BANP: variants seen among roughly 807,000 people sequenced by gnomAD.
The protein encoded by BANP is BTG3 associated nuclear protein.
In BANP, 11 loss-of-function variants were observed where a neutral mutation model predicts 68.1. That is an observed-to-expected ratio of 0.16 (90% CI 0.10 to 0.27). The LOEUF (loss-of-function observed/expected upper bound fraction) is 0.27, where lower values mean the gene tolerates loss of function less well. BANP is among the 10% of genes least tolerant of loss of function. BANP has a pLI of 1.00. For missense variants in BANP, 504 were observed against 722.7 expected (o/e 0.70, Z 3.47); for synonymous variants, 329 against 303.2 (o/e 1.09, Z -0.88).
At chr16:88,072,940 T>C (rs2090725544) in intron 13 of BANP, among the ~76,000 whole-genome samples, 1 of 152,266 alleles carries the variant, frequency 6.6e-6, no homozygotes, top group Non-Finnish European at 1.5e-5. Flanking sequence ...CCAGCCCTTC[T>C]GGAACATTCT....
At chr16:88,060,630 G>A (rs1260476263) in intron 11 of BANP, among the ~76,000 whole-genome samples, 4 of 152,238 alleles carry the variant, frequency 2.6e-5, no homozygotes, top group African/African-American at 4.8e-5. Context: ...GTGGAGGCAC[G>A]TGGAGGTGGC....
intron 8 of BANP, among the ~76,000 whole-genome samples, chr16:88,031,326 T>G (rs1301814418): frequency 1.3e-5 from 2 of 152,212 alleles, no homozygotes; most frequent in African/African-American, 2.4e-5. Flanking sequence ...CTAGGCAATT[T>G]CTAGCATATT....
At chr16:88,054,301 ACCAACACAACCACCT>A (rs2084357989) in intron 11 of BANP, among the ~76,000 whole-genome samples, 1 of 114,586 alleles carries the variant, frequency 8.7e-6, no homozygotes, top group Non-Finnish European at 2.1e-5. Context: ...CATCATCATC[ACCAACACAACCACCT>A]TCACCACTGT....
intron 1 of BANP, chr16:87,963,478 C>T (rs1175431567): frequency 3.3e-5 from 5 of 152,210 alleles, no homozygotes; most frequent in Admixed American, 3.3e-4. Context: ...GATCTGATCA[C>T]GGGTAGGTGC....
At chr16:87,992,790 CAA>C (rs67037373) in intron 4 of BANP, among the ~76,000 whole-genome samples, 1 of 136,596 alleles carries the variant, frequency 7.3e-6, no homozygotes. Flanking sequence ...TGAGACTCCT[CAA>C]AAAAAAAAAA....
In BANP at chr16:88,005,993, A is replaced by C. The variant is rs557909608; in HGVS notation, c.480-97A>C. 27 of 1,470,194 alleles carry C rather than the reference A, an allele frequency of 1.8e-5. No homozygotes were observed. In the African/African-American group the frequency reaches 3.7e-4, roughly 20 times the overall value. 91.1% of individuals were successfully genotyped at this position (1,470,194 alleles called of 1,614,324 possible). ...GGAAGGCTGTGTGATCCACTGGTCC[A>C]CACAGAGTTAGATTTTGCGATAAGG... is the stretch of plus-strand genomic sequence containing the variant. On this transcript the variant is annotated intron_variant, in intron 5 of 13. Transcript: ENST00000682872.
intron 1 of BANP, among the ~76,000 whole-genome samples, chr16:87,954,522 G>A (rs1309839153): frequency 6.6e-6 from 1 of 152,208 alleles, no homozygotes; most frequent in Admixed American, 6.5e-5. Context: ...GTTTCCCCTC[G>A]GGTGATTGGG....
chr16:88,050,714 A>G (rs1457113637), intron 11 of BANP, among the ~76,000 whole-genome samples: 1 of 152,092 alleles, frequency 6.6e-6, no homozygotes, highest in Admixed American at 6.5e-5. Context: ...TTTTAGAGAC[A>G]GTCTCACTCT....
intron 8 of BANP, among the ~76,000 whole-genome samples, chr16:88,031,258 G>C (rs551870224): frequency 2.6e-5 from 4 of 152,376 alleles, no homozygotes; most frequent in African/African-American, 9.6e-5. Context: ...GCAGCATGCA[G>C]GTGGGCTTGT....
intron 8 of BANP, among the ~76,000 whole-genome samples, chr16:88,029,114 C>G (rs2077568672): frequency 6.6e-6 from 1 of 151,726 alleles, no homozygotes; most frequent in Non-Finnish European, 1.5e-5. Flanking sequence ...TGAGACCAGC[C>G]TGGACAACAT....
chr16:87,963,100 G>T (rs1441676304), intron 1 of BANP, among the ~76,000 whole-genome samples: 1 of 152,082 alleles, frequency 6.6e-6, no homozygotes, highest in East Asian at 1.9e-4. Flanking sequence ...AATTTTTATG[G>T]CTCTTTGGAC....
chr16:88,025,054 C>A (rs2076726832), intron 7 of BANP, among the ~76,000 whole-genome samples: 1 of 152,162 alleles, frequency 6.6e-6, no homozygotes, highest in African/African-American at 2.4e-5. Flanking sequence ...GTGGGAGGGT[C>A]ACAGGAGGGC....
chr16:87,967,646 G>A (rs570093289), intron 1 of BANP, among the ~76,000 whole-genome samples: 10 of 137,960 alleles, frequency 7.2e-5, no homozygotes, highest in African/African-American at 2.3e-4. Flanking sequence ...TTTTGAGATG[G>A]AGTCTCACTC....
chr16:87,963,302 C>T (rs1484589646), intron 1 of BANP: 6 of 152,324 alleles, frequency 3.9e-5, no homozygotes, highest in African/African-American at 1.4e-4. Context: ...TCCCCACCCT[C>T]AGTTCCCAAG....
chr16:88,074,986 T>C lies in BANP; in HGVS notation c.1522-1604T>C, dbSNP rs528098391. 5.9e-5 allele frequency among the ~76,000 whole-genome samples: 9 copies of C among 152,284 alleles called. No individual in the cohort carries two copies. The East Asian group carries it at 1.2e-3, about 20-fold the overall frequency. ...TGTGAGGCCGAGGCAGGGGCGTTGC[T>C]TGAGCCCAGGACTTCAAGACCAGCC... On this transcript the variant is annotated intron_variant, in intron 13 of 13. Coordinates refer to ENST00000682872, the MANE Select transcript of BANP (RefSeq NM_001386991.1).
At chr16:87,983,458 A>T (rs2063686706) in intron 3 of BANP, among the ~76,000 whole-genome samples, 1 of 152,032 alleles carries the variant, frequency 6.6e-6, no homozygotes. Flanking sequence ...CCGGCACGTG[A>T]CTGCTCACTG....
chr16:87,967,171 G>C (rs943377795), intron 1 of BANP, among the ~76,000 whole-genome samples: 3 of 152,090 alleles, frequency 2.0e-5, no homozygotes, highest in African/African-American at 7.2e-5. Flanking sequence ...TACTGGCACC[G>C]GCAGCTAGGA....
chr16:88,055,735 G>C (rs1335510669), intron 11 of BANP, among the ~76,000 whole-genome samples: 1 of 152,120 alleles, frequency 6.6e-6, no homozygotes. Context: ...GTTTGTCACA[G>C]AAGGAGGATC....
chr16:88,072,673 G>A (rs1013591376), intron 13 of BANP, among the ~76,000 whole-genome samples: 5 of 152,250 alleles, frequency 3.3e-5, no homozygotes, highest in Non-Finnish European at 5.9e-5. Context: ...ATGGCCCAGC[G>A]GGCCCAGGCC....
Sources: allele counts gnomAD v4.1 joint callset (sites outside exome capture counted in the v4.1 genomes callset), GRCh38; gene constraint gnomAD v4.1.1; transcripts MANE v1.5; gene names NCBI Gene and HGNC (gene_info 2026-07-23, HGNC 2026-07-21).